NAPB: variants seen among roughly 807,000 people sequenced by gnomAD.
NAPB encodes the protein beta-soluble NSF attachment protein.
Under a neutral mutation model 44.7 loss-of-function variants are expected in NAPB, and 26 were observed. That is an observed-to-expected ratio of 0.58 (90% CI 0.43 to 0.81). The LOEUF (loss-of-function observed/expected upper bound fraction) is 0.81. NAPB is among the 30% of genes least tolerant of loss of function. The pLI, the probability that NAPB is intolerant of heterozygous loss-of-function variation, is 0.00. For missense variants in NAPB, 315 were observed against 356.4 expected, an observed-to-expected ratio of 0.88 and a Z score of 0.94; for synonymous variants, 120 against 116.8, an observed-to-expected ratio of 1.03 and a Z score of -0.18.
intron 7 of NAPB, among the ~76,000 whole-genome samples, chr20:23,386,212 A>G (rs1983508692): frequency 6.6e-6 from 1 of 152,222 alleles, no homozygotes; most frequent in South Asian, 2.1e-4. Flanking sequence ...CATACACAAC[A>G]AAGATGAAAA....
At chr20:23,416,726 T>A (rs1158698369) in intron 1 of NAPB, among the ~76,000 whole-genome samples, 2 of 152,224 alleles carry the variant, frequency 1.3e-5, no homozygotes. Context: ...ATAATTTTTT[T>A]AAAAGTTCAA....
chr20:23,401,493 A>G (rs1984842590), intron 2 of NAPB, among the ~76,000 whole-genome samples: 1 of 152,340 alleles, frequency 6.6e-6, no homozygotes, highest in East Asian at 1.9e-4. Flanking sequence ...CGGGGTGCAC[A>G]TACAAAGCCT....
At chr20:23,377,513 T>C in intron 10 of NAPB, 27 bp from the exon 11 acceptor site, 1 of 1,491,488 alleles carries the variant, frequency 6.7e-7, no homozygotes, top group Non-Finnish European at 9.2e-7. Context: ...GGAACAGGAA[T>C]TACCCCATGT....
At chr20:23,396,943 T>C (rs1261659282) in intron 3 of NAPB, 129 bp downstream of exon 3, 1 of 969,900 alleles carries the variant, frequency 1.0e-6, no homozygotes, top group Non-Finnish European at 1.4e-6. Flanking sequence ...AATTCTCTAT[T>C]ATTCCAAAAT....
At chr20:23,379,971 A>G in intron 8 of NAPB, 36 bp from the exon 9 acceptor site, 1 of 1,553,586 alleles carries the variant, frequency 6.4e-7, no homozygotes, top group African/African-American at 1.4e-5. Flanking sequence ...TTTCAGACTT[A>G]CTAAACAAAC....
chr20:23,401,665 G>A (rs1405733241), intron 2 of NAPB, among the ~76,000 whole-genome samples: 1 of 152,194 alleles, frequency 6.6e-6, no homozygotes. Flanking sequence ...TGGATCGCCT[G>A]AGCTCAGGAG....
At chr20:23,419,537 G>A (rs1318011491) in intron 1 of NAPB, among the ~76,000 whole-genome samples, 2 of 152,188 alleles carry the variant, frequency 1.3e-5, no homozygotes, top group Admixed American at 6.5e-5. Context: ...CTCCCACAGG[G>A]AAGCACTTCC....
In NAPB at chr20:23,376,194, T is replaced by TA. The variant is rs1982503806; in HGVS notation, c.*1181dup. ...GACATTCAGGAGACAAGCGTATGTC[T>TA]AAAGTACAATATCAGCATATAAATT... is the stretch of plus-strand genomic sequence containing the variant. On this transcript the variant is annotated 3_prime_UTR_variant, in exon 11 of 11. Transcript: ENST00000377026. The TA allele has an allele frequency of 6.6e-6, 1 of 152,228 alleles. No homozygotes were observed. The highest frequency in any genetic ancestry group is 2.1e-4 in the South Asian group (1 of 4,834). 9.4% of individuals were successfully genotyped at this position (152,228 alleles called of 1,614,324 possible). A position where few individuals can be genotyped will look rare whatever the true frequency, so the allele number is the denominator to read the frequency against.
At chr20:23,409,850 G>A (rs1985528536) in intron 1 of NAPB, among the ~76,000 whole-genome samples, 2 of 152,156 alleles carry the variant, frequency 1.3e-5, no homozygotes, top group Non-Finnish European at 2.9e-5. Context: ...AAAACTACCA[G>A]AGCTAGCAAC....
intron 7 of NAPB, among the ~76,000 whole-genome samples, chr20:23,385,296 G>A (rs1568605147): frequency 6.6e-6 from 1 of 152,142 alleles, no homozygotes; most frequent in Non-Finnish European, 1.5e-5. Flanking sequence ...AATTACCAGA[G>A]ACAGAGAAGG....
At position 23,390,390 on chromosome 20, in the gene NAPB, A is replaced by G. The variant is rs192729428; in HGVS notation, c.421-126T>C. 25 of 738,094 alleles carry G rather than the reference A, an allele frequency of 3.4e-5. No individual in the cohort carries two copies. The African/African-American group carries it at 3.9e-4, about 12-fold the overall frequency. 45.7% of individuals were successfully genotyped at this position (738,094 alleles called of 1,614,324 possible). A position where few individuals can be genotyped will look rare whatever the true frequency, so the allele number is the denominator to read the frequency against. ...CAGCAAACTTTTCACAACTCGGCCT[A>G]CTTTCTTTAGGAAATACAAGAAAGC... is the stretch of plus-strand genomic sequence containing the variant. On this transcript the variant is annotated intron_variant, in intron 5 of 10. Transcript: ENST00000377026.
At chr20:23,381,164 C>G (rs371110459) in intron 8 of NAPB, 49 bp downstream of exon 8, 48 of 1,223,940 alleles carry the variant, frequency 3.9e-5, no homozygotes, top group Non-Finnish European at 5.2e-5. Flanking sequence ...AGAATGTGTA[C>G]GTATTCTTAT....
chr20:23,403,151 G>A (rs748786477), intron 1 of NAPB, 79 bp from the exon 2 acceptor site: 7 of 993,078 alleles, frequency 7.0e-6, no homozygotes, highest in Middle Eastern at 2.4e-4. Flanking sequence ...TTAACATTTA[G>A]TATATACTTG....
intron 7 of NAPB, among the ~76,000 whole-genome samples, chr20:23,389,154 C>T (rs1983747686): frequency 2.0e-5 from 3 of 146,752 alleles, no homozygotes; most frequent in South Asian, 4.4e-4. Flanking sequence ...AGATGCTCAA[C>T]ATCACTAGTC....
At chr20:23,416,410 T>C (rs1986009278) in intron 1 of NAPB, among the ~76,000 whole-genome samples, 1 of 152,198 alleles carries the variant, frequency 6.6e-6, no homozygotes, top group South Asian at 2.1e-4. Flanking sequence ...ATAAGCATTC[T>C]GACCTCATTC....
intron 7 of NAPB, among the ~76,000 whole-genome samples, chr20:23,388,257 TCACA>T (rs377151020): frequency 6.6e-6 from 1 of 151,314 alleles, no homozygotes; most frequent in Non-Finnish European, 1.5e-5. Flanking sequence ...ACATACACAC[TCACA>T]CACACACAAA....
chr20:23,416,000 C>A (rs748273129), intron 1 of NAPB, among the ~76,000 whole-genome samples: 34 of 152,044 alleles, frequency 2.2e-4, no homozygotes, highest in Admixed American at 1.2e-3. Flanking sequence ...CGGAAGAAAG[C>A]GACTTAAACT....
rs950686107 is a variant in NAPB, at chr20:23,421,463, A to C, written c.-61T>G. The C allele has an allele frequency of 2.8e-5, 40 of 1,453,524 alleles. No individual in the cohort carries two copies. In the Admixed American group the frequency reaches 9.6e-4, roughly 35 times the overall value. 90.0% of individuals were successfully genotyped at this position (1,453,524 alleles called of 1,614,324 possible). ...GCTCGCTGTGCGCCCAGGCGCCTTA[A>C]CCCTCCCTCTGGCGGCCGCAGGGAC... On this transcript the variant is annotated 5_prime_UTR_variant, in exon 1 of 11. Coordinates refer to ENST00000377026, the MANE Select transcript of NAPB (RefSeq NM_022080.3).
At chr20:23,388,281 A>G (rs190762297) in intron 7 of NAPB, among the ~76,000 whole-genome samples, 2 of 152,092 alleles carry the variant, frequency 1.3e-5, no homozygotes, top group East Asian at 3.9e-4. Context: ...ACACACACAC[A>G]TACACCCCTA....
Sources: allele counts gnomAD v4.1 joint callset (sites outside exome capture counted in the v4.1 genomes callset), GRCh38; gene constraint gnomAD v4.1.1; transcripts MANE v1.5; gene names NCBI Gene and HGNC (gene_info 2026-07-23, HGNC 2026-07-21).